Variants in DSG4 observed in about 807,000 individuals in gnomAD.
DSG4 encodes the protein desmoglein 4, also known as desmoglein-4.
DSG4 carries 87 observed loss-of-function variants against 93.1 expected under a neutral mutation model. The ratio of observed to expected loss-of-function variants is 0.93; its 90% CI spans 0.79 to 1.12. The LOEUF (loss-of-function observed/expected upper bound fraction) is 1.12, where lower values mean the gene tolerates loss of function less well. Among genes scored for constraint, DSG4 ranks in the 50% most tolerant of loss-of-function variants. The pLI is 0.00. For missense variants in DSG4, 1,373 were observed against 1,285.7 expected (o/e 1.07, Z -1.04); for synonymous variants, 432 against 452.9 (o/e 0.95, Z 0.59).
chr18:31,393,625 C>T (rs2072274005), intron 8 of DSG4, among the ~76,000 whole-genome samples: 1 of 152,168 alleles, frequency 6.6e-6, no homozygotes, highest in Admixed American at 6.5e-5. Flanking sequence ...TCACCAGGCC[C>T]CACCTCCAAC....
chr18:31,380,378 G>A (rs145574558), intron 1 of DSG4, among the ~76,000 whole-genome samples: 5 of 152,144 alleles, frequency 3.3e-5, no homozygotes, highest in African/African-American at 4.8e-5. Flanking sequence ...CAATGAAACC[G>A]TTGTTTAAGC....
At chr18:31,382,446 A>T (rs2072146112) in intron 1 of DSG4, 1 of 152,240 alleles carries the variant, frequency 6.6e-6, no homozygotes, top group Admixed American at 6.5e-5. Flanking sequence ...AAAAATTTTT[A>T]AAAAGGCTTT....
At chr18:31,398,027 A>G (rs1454379441) in intron 8 of DSG4, among the ~76,000 whole-genome samples, 8 of 10,562 alleles carry the variant, frequency 7.6e-4, no homozygotes, top group African/African-American at 6.0e-3. Context: ...ACCCTGTCTC[A>G]AAAAAAAAAA....
rs775315191 is a variant in DSG4 at position 31,391,098 on chromosome 18, G to T, written c.705G>T (p.Leu235=). ...TTAAGCAACACAGTATGTACAACCT[G>T]GTTGTGAGAGGCTCAGATCGGGATG... ...LDREQHSMYN[L]VVRGSDRDGA... Residue 235 remains leucine (L), a synonymous_variant, in exon 7 of 16, where the codon CTG becomes CTT. Coordinates refer to ENST00000308128, the MANE Select transcript of DSG4 (RefSeq NM_177986.5). 64 of 1,613,682 alleles carry T rather than the reference G, an allele frequency of 4.0e-5. No homozygotes were observed. Among genetic ancestry groups the T allele is most frequent in the Non-Finnish European group, 5.1e-5 (60 of 1,179,734 alleles).
At chr18:31,383,810 TG>T (rs1292178438) in intron 1 of DSG4, among the ~76,000 whole-genome samples, 9 of 152,104 alleles carry the variant, frequency 5.9e-5, no homozygotes, top group African/African-American at 2.2e-4. Flanking sequence ...TAAGGAATAA[TG>T]GAAAATATTG....
chr18:31,392,033 A>C (rs2072255262), intron 7 of DSG4, 122 bp from the exon 8 acceptor site: 2 of 893,018 alleles, frequency 2.2e-6, no homozygotes, highest in African/African-American at 3.4e-5. Flanking sequence ...ATGGGCATTT[A>C]ATAATGGTGC....
Position 31,376,779 on chromosome 18 carries a change from CCA to C in DSG4, c.-130_-129del. Reference sequence around the variant, plus strand: ...TCTTCATCTCTCTGCCCAGAGATCACCACAGTTATCACCCATGCCCTCCTAAA... The same window carrying C: ...TCTTCATCTCTCTGCCCAGAGATCACCAGTTATCACCCATGCCCTCCTAAA... On this transcript the variant is annotated 5_prime_UTR_variant, in exon 1 of 16. Coordinates refer to ENST00000308128, the MANE Select transcript of DSG4 (RefSeq NM_177986.5). The C allele has an allele frequency of 2.1e-6, 2 of 935,988 alleles. No individual in the cohort carries two copies. The highest frequency in any genetic ancestry group is 2.6e-5 in the East Asian group (1 of 38,742). The allele number at this position is 935,988 out of a possible 1,614,324, so 58.0% of individuals were successfully genotyped here.
At position 31,387,131 on chromosome 18, in the gene DSG4, G is replaced by C. The variant is rs768579551; in HGVS notation, c.216+312G>C. Among the ~76,000 whole-genome samples, 5 of 152,154 alleles carry C rather than the reference G, an allele frequency of 3.3e-5. 1 individual carries two copies. The highest frequency in any genetic ancestry group is 5.9e-5 in the Non-Finnish European group (4 of 68,028). On this transcript the variant is annotated intron_variant, in intron 3 of 15. Coordinates refer to ENST00000308128, the MANE Select transcript of DSG4 (RefSeq NM_177986.5). ...AAACGTATTCACATAGTGACAGTCT[G>C]AAGCCTGGCCCTCCAGAAAGTCAAG...
intron 1 of DSG4, among the ~76,000 whole-genome samples, chr18:31,378,500 T>C (rs1481393595): frequency 6.6e-6 from 1 of 152,214 alleles, no homozygotes; most frequent in East Asian, 1.9e-4. Context: ...TATTATTTAA[T>C]TGAAGAGTTG....
chr18:31,385,115 T>C lies in DSG4; in HGVS notation c.49-21T>C, dbSNP rs571436437. 466 of 1,597,460 alleles carry C rather than the reference T, an allele frequency of 2.9e-4. 4 individuals are homozygous for C. The South Asian group carries it at 4.9e-3, about 17-fold the overall frequency. ...TAAATTATGCAAATTTATGCTAATG[T>C]GGTATCTTCTATCAAAACAGGTGGT... On this transcript the variant is annotated intron_variant, in intron 1 of 15. Transcript: ENST00000308128.
chr18:31,399,184 AGT>A, intron 8 of DSG4, 86 bp from the exon 9 acceptor site: 2 of 1,540,424 alleles, frequency 1.3e-6, no homozygotes, highest in Non-Finnish European at 1.8e-6. Flanking sequence ...ACCTTATTCT[AGT>A]GTGTGGTTTG....
In DSG4 at chr18:31,385,559, T is replaced by C. The variant is rs866594080; in HGVS notation, c.84+388T>C. The stretch of plus-strand genomic sequence containing the variant: ...AAGGACAAACATTCAAATTGTATAA[T>C]CCCAACTAAATGGAAAACATATAAT... On this transcript the variant is annotated intron_variant, in intron 2 of 15. Transcript: ENST00000308128. 5.3e-5 allele frequency among the ~76,000 whole-genome samples: 8 copies of C among 152,236 alleles called. No individual in the cohort carries two copies. In the Middle Eastern group the frequency reaches 0.014, roughly 259 times the overall value.
In DSG4 at chr18:31,388,442, G is replaced by C; in HGVS notation, c.292G>C (p.Gly98Arg). Residue 98 changes from glycine to arginine, a missense_variant, in exon 4 of 16, where the codon GGG (glycine) becomes CGG (arginine). Coordinates refer to ENST00000308128, the MANE Select transcript of DSG4 (RefSeq NM_177986.5). ...AGTAGGGATTGATCGACCACCATAT[G>C]GGGTATTCACCATTAATCCTCGCAC... ...SGVGIDRPPY[G>R]VFTINPRTGE... The C allele has an allele frequency of 6.2e-7, 1 of 1,613,538 alleles. No homozygotes were observed.
intron 14 of DSG4, 78 bp from the exon 15 acceptor site, chr18:31,411,153 A>ACGG (rs1568073755): frequency 1.2e-6 from 2 of 1,613,936 alleles, no homozygotes; most frequent in Non-Finnish European, 1.7e-6. Flanking sequence ...GGCACCGCAG[A>ACGG]CGGCGGCGGC....
At chr18:31,407,033 C>T (rs558058274) in intron 12 of DSG4, among the ~76,000 whole-genome samples, 1 of 152,152 alleles carries the variant, frequency 6.6e-6, no homozygotes, top group East Asian at 1.9e-4. Flanking sequence ...GCCTTGGGCT[C>T]CCAAAGTGCT....
chr18:31,388,386 C>T lies in DSG4; in HGVS notation c.236C>T (p.Ser79Leu), dbSNP rs36040686. ...TTATAGATTCGATCAGACTGCGAAT[C>T]GAACCAGAAGATAACATACCGGATT... is the stretch of plus-strand genomic sequence containing the variant. ...PIAKIRSDCE[S>L]NQKITYRISG... is the part of the protein sequence containing the mutation. Residue 79 changes from serine (S) to leucine (L), a missense_variant, in exon 4 of 16, where the codon TCG becomes TTG. Ser to Leu is a moderately radical substitution (Grantham distance 145). Coordinates refer to ENST00000308128, the MANE Select transcript of DSG4 (RefSeq NM_177986.5). The T allele has an allele frequency of 3.2e-3, 5,218 of 1,613,198 alleles. 49 individuals carry two copies. The highest frequency in any genetic ancestry group is 0.02 in the Middle Eastern group (120 of 6,054).
chr18:31,392,698 A>G (rs908851903), intron 8 of DSG4, among the ~76,000 whole-genome samples: 1 of 152,224 alleles, frequency 6.6e-6, no homozygotes, highest in Non-Finnish European at 1.5e-5. Flanking sequence ...AATATGAAAT[A>G]ATGAAAGAGA....
At chr18:31,389,805 A>G (rs1030906557) in intron 5 of DSG4, among the ~76,000 whole-genome samples, 1 of 152,196 alleles carries the variant, frequency 6.6e-6, no homozygotes, top group Non-Finnish European at 1.5e-5. Context: ...AGGCAGATAA[A>G]CACAAAATTT....
chr18:31,391,980 T>C (rs1418609273), intron 7 of DSG4, among the ~76,000 whole-genome samples, 175 bp from the exon 8 acceptor site: 1 of 152,228 alleles, frequency 6.6e-6, no homozygotes, highest in East Asian at 1.9e-4. Flanking sequence ...ATGTCAGTTT[T>C]ATTATCTTAT....
Sources: allele counts gnomAD v4.1 joint callset (sites outside exome capture counted in the v4.1 genomes callset), GRCh38; gene constraint gnomAD v4.1.1; transcripts MANE v1.5; gene names NCBI Gene and HGNC (gene_info 2026-07-23, HGNC 2026-07-21).